GAK: variants seen among roughly 807,000 people sequenced by gnomAD.
GAK encodes cyclin-G-associated kinase.
Under a neutral mutation model 143.9 loss-of-function variants are expected in GAK, and 79 were observed. The ratio of observed to expected loss-of-function variants is 0.55; its 90% CI spans 0.46 to 0.66. The LOEUF (loss-of-function observed/expected upper bound fraction) is 0.66. GAK is among the 30% of genes least tolerant of loss of function. GAK has a pLI of 0.00. For synonymous variants in GAK, 881 were observed against 765.5 expected (o/e 1.15, Z -2.49); for missense variants, 1,693 against 1,779.7 (o/e 0.95, Z 0.88).
intron 1 of GAK, 100 bp downstream of exon 1, chr4:931,943 A>T: frequency 1.1e-6 from 1 of 877,590 alleles, no homozygotes; most frequent in Non-Finnish European, 1.8e-6. Context: ...GACCCTCCCC[A>T]GCCCTAACCC....
intron 1 of GAK, among the ~76,000 whole-genome samples, chr4:916,440 A>G (rs1175834069): frequency 6.6e-6 from 1 of 152,176 alleles, no homozygotes; most frequent in Non-Finnish European, 1.5e-5. Context: ...TTCTTTGAAG[A>G]GACGAGGTTT....
Position 865,779 on chromosome 4 carries a change from C to T in GAK, c.3044-535G>A, listed in dbSNP as rs1751063274. Reference sequence around the variant, plus strand: ...TCATCACCCCAGAGTACGCCGTGGACCACGCTGCTGCCTCCTCAGGAGAGA... The same window carrying T: ...TCATCACCCCAGAGTACGCCGTGGATCACGCTGCTGCCTCCTCAGGAGAGA... On this transcript the variant is annotated intron_variant, in intron 22 of 27. Transcript: ENST00000314167. Among the ~76,000 whole-genome samples the T allele has an allele frequency of 2.0e-5, 3 of 152,268 alleles. No homozygotes were observed. In the South Asian group the frequency reaches 6.2e-4, roughly 32 times the overall value.
intron 1 of GAK, among the ~76,000 whole-genome samples, chr4:922,333 G>A (rs372473539): frequency 2.4e-4 from 36 of 152,106 alleles, no homozygotes; most frequent in East Asian, 7.7e-4. Context: ...TGGGAAACAT[G>A]GTGAAACCCC....
rs985342199 is a variant in GAK at position 923,342 on chromosome 4, T to C, written c.145+8701A>G. Among the ~76,000 whole-genome samples, 8 of 152,274 alleles carry C rather than the reference T, an allele frequency of 5.3e-5. No homozygotes were observed. In the South Asian group the frequency reaches 6.2e-4, roughly 12 times the overall value. On this transcript the variant is annotated intron_variant, in intron 1 of 27. Transcript: ENST00000314167. The stretch of plus-strand genomic sequence containing the variant: ...GTCGGGTACCTCCAAGACCCTGTTA[T>C]ATACATTTTACAGCACACACTCTGC...
intron 12 of GAK, 34 bp downstream of exon 12, chr4:884,003 G>T (rs1047081881): frequency 6.2e-7 from 1 of 1,601,040 alleles, no homozygotes; most frequent in African/African-American, 1.3e-5. Context: ...GGAAGGGCCG[G>T]GGCGCGTCCC....
intron 9 of GAK, among the ~76,000 whole-genome samples, chr4:893,025 C>T (rs571842653): frequency 1.8e-4 from 28 of 152,150 alleles, no homozygotes; most frequent in Admixed American, 8.5e-4. Context: ...AGGGTCCGGA[C>T]GAAGCAGCAC....
At position 849,694 on chromosome 4, in the gene GAK, C is replaced by T. The variant is rs751238073; in HGVS notation, c.3915G>A (p.Gln1305=). 9 of 1,613,058 alleles carry T rather than the reference C, an allele frequency of 5.6e-6. No individual in the cohort carries two copies. In the East Asian group the frequency reaches 2.0e-4, roughly 36 times the overall value. The change falls in exon 28 of 28, where the codon CAG becomes CAA. Residue 1305 remains glutamine, a synonymous_variant. Coordinates refer to ENST00000314167, the MANE Select transcript of GAK (RefSeq NM_005255.4). ...GGCCTCAGAAGAGGGGCCGGGAGCCCTGGTTCTCAAACTCCGACCAGGCGT... is the reference window on the plus strand; with the variant it reads ...GGCCTCAGAAGAGGGGCCGGGAGCCTTGGTTCTCAAACTCCGACCAGGCGT... ...LNDAWSEFEN[Q]GSRPLF is the part of the protein sequence containing the mutation.
chr4:874,905 G>C (rs1577114182), intron 18 of GAK, among the ~76,000 whole-genome samples: 1 of 152,150 alleles, frequency 6.6e-6, no homozygotes, highest in Non-Finnish European at 1.5e-5. Flanking sequence ...CTGCGCTGCT[G>C]TCAGAAGATC....
At chr4:914,560 C>A (rs1190754618) in intron 1 of GAK, among the ~76,000 whole-genome samples, 1 of 113,906 alleles carries the variant, frequency 8.8e-6, no homozygotes, top group Non-Finnish European at 1.8e-5. Flanking sequence ...CCAGCGTGCA[C>A]GGCCCCCCAC....
intron 1 of GAK, among the ~76,000 whole-genome samples, chr4:918,139 T>C (rs1420132395): frequency 6.6e-6 from 1 of 152,342 alleles, no homozygotes; most frequent in African/African-American, 2.4e-5. Flanking sequence ...TACTACATCA[T>C]GACCAGGTGG....
intron 9 of GAK, among the ~76,000 whole-genome samples, 176 bp from the exon 10 acceptor site, chr4:890,798 C>T (rs562344397): frequency 9.2e-5 from 14 of 152,338 alleles, no homozygotes; most frequent in African/African-American, 1.7e-4. Context: ...ACTCAACAAA[C>T]GCACGCAGCC....
chr4:868,439 G>A (rs1355730376), intron 20 of GAK, 100 bp downstream of exon 20: 7 of 1,300,414 alleles, frequency 5.4e-6, no homozygotes, highest in Non-Finnish European at 4.2e-6. Context: ...ACTCAGCTCT[G>A]CCGGAGGCCC....
chr4:887,241 T>C (rs4690334), intron 11 of GAK: 18,944 of 85,188 alleles, frequency 0.22, 2,490 homozygotes, highest in East Asian at 0.44. Flanking sequence ...CGCACTCACG[T>C]GTACACATGC....
At chr4:892,324 G>A (rs1160991305) in intron 9 of GAK, among the ~76,000 whole-genome samples, 1 of 152,192 alleles carries the variant, frequency 6.6e-6, no homozygotes, top group Non-Finnish European at 1.5e-5. Context: ...ACAGACCCCT[G>A]CGAGATCTGC....
chr4:849,834 A>AGCCCCCCCCCCCC (rs1747758992), intron 27 of GAK, 58 bp downstream of exon 27: 2 of 948,398 alleles, frequency 2.1e-6, no homozygotes, highest in Non-Finnish European at 1.6e-6. Flanking sequence ...GCGGGGCAGG[A>AGCCCCCCCCCCCC]CCCCCCCCCC....
chr4:897,362 C>T (rs9994159), intron 6 of GAK, among the ~76,000 whole-genome samples: 15,606 of 152,220 alleles, frequency 0.1, 929 homozygotes, highest in South Asian at 0.19. Context: ...CGAAGACCTG[C>T]TTTCCAGGAA....
At chr4:855,572 A>T (rs1161569922) in intron 24 of GAK, among the ~76,000 whole-genome samples, 1 of 152,150 alleles carries the variant, frequency 6.6e-6, no homozygotes, top group Non-Finnish European at 1.5e-5. Flanking sequence ...TGTAACTTTG[A>T]TCTCCTTTTC....
intron 18 of GAK, among the ~76,000 whole-genome samples, chr4:874,149 G>T (rs1713313526): frequency 6.6e-6 from 1 of 151,474 alleles, no homozygotes; most frequent in South Asian, 2.1e-4. Context: ...GCTGGTGCTT[G>T]TGTGTGTGTA....
chr4:883,338 G>T lies in GAK; in HGVS notation c.1381C>A (p.Arg461=). The change falls in exon 13 of 28, where the codon CGG becomes AGG. Residue 461 remains arginine, a synonymous_variant. Coordinates refer to ENST00000314167, the MANE Select transcript of GAK (RefSeq NM_005255.4). ...AVYNLSPRTY[R]PSRFHNRVSE... ...ACCCGGTTGTGGAACCTGGAGGGCC[G>T]GTAGGTCCTCGGGGACAGGTTGTAG... 1 of 1,613,472 alleles carries T rather than the reference G, an allele frequency of 6.2e-7. No homozygotes were observed. Among genetic ancestry groups the T allele is most frequent in the Non-Finnish European group, 8.5e-7 (1 of 1,179,976 alleles).
Sources: allele counts gnomAD v4.1 joint callset (sites outside exome capture counted in the v4.1 genomes callset), GRCh38; gene constraint gnomAD v4.1.1; transcripts MANE v1.5; gene names NCBI Gene and HGNC (gene_info 2026-07-23, HGNC 2026-07-21).